RALGAPB: variants seen among roughly 807,000 people sequenced by gnomAD.
RALGAPB encodes the protein Ral GTPase activating protein non-catalytic subunit beta.
In RALGAPB, 25 loss-of-function variants were observed where a neutral mutation model predicts 161.1. That is an observed-to-expected ratio of 0.16 (90% CI 0.11 to 0.22). The LOEUF is 0.22. RALGAPB is among the 10% of genes least tolerant of loss of function. The pLI, the probability that RALGAPB is intolerant of heterozygous loss-of-function variation, is 1.00. For synonymous variants in RALGAPB, 629 were observed against 626.1 expected (o/e 1.00, Z -0.07); for missense variants, 1,391 against 1,815.2 (o/e 0.77, Z 4.25).
chr20:38,479,462 A>G (rs1023085894), intron 1 of RALGAPB, among the ~76,000 whole-genome samples: 3 of 152,210 alleles, frequency 2.0e-5, no homozygotes, highest in African/African-American at 7.2e-5. Context: ...TGTATTGATT[A>G]TTTTGGTAAT....
intron 22 of RALGAPB, among the ~76,000 whole-genome samples, chr20:38,555,336 T>C (rs2087541950): frequency 6.6e-6 from 1 of 152,228 alleles, no homozygotes; most frequent in African/African-American, 2.4e-5. Context: ...AATGGGGACA[T>C]TGCTGTTTGA....
At chr20:38,524,329 T>C (rs1018537100) in intron 10 of RALGAPB, among the ~76,000 whole-genome samples, 2 of 152,218 alleles carry the variant, frequency 1.3e-5, no homozygotes, top group African/African-American at 4.8e-5. Flanking sequence ...AATTACTAAA[T>C]GTTGCAACAT....
At chr20:38,489,354 A>AT (rs2085210873) in intron 2 of RALGAPB, among the ~76,000 whole-genome samples, 4 of 152,146 alleles carry the variant, frequency 2.6e-5, no homozygotes, top group South Asian at 2.1e-4. Context: ...AATTTAAAAA[A>AT]TTTTTTTATA....
At chr20:38,523,175 G>A (rs1230036138) in intron 10 of RALGAPB, among the ~76,000 whole-genome samples, 1 of 152,038 alleles carries the variant, frequency 6.6e-6, no homozygotes, top group Non-Finnish European at 1.5e-5. Context: ...AAAGTTCCCA[G>A]TTTTCATGGC....
chr20:38,494,537 A>C (rs1266976966), intron 3 of RALGAPB, among the ~76,000 whole-genome samples: 2 of 152,202 alleles, frequency 1.3e-5, no homozygotes, highest in South Asian at 4.1e-4. Flanking sequence ...AGGCCGAGGC[A>C]GGAGAATCGC....
At position 38,562,512 on chromosome 20, in the gene RALGAPB, A is replaced by T; in HGVS notation, c.3532-20A>T. 5 of 1,552,610 alleles carry T rather than the reference A, an allele frequency of 3.2e-6. No homozygotes were observed. The highest frequency in any genetic ancestry group is 4.4e-6 in the Non-Finnish European group (5 of 1,142,568). ...TATTTTGTTTCCTTCATTATAGCTG[A>T]TGATTGGTATGTATTTCAGATTTTA... On this transcript the variant is annotated intron_variant, in intron 23 of 29. Transcript: ENST00000262879.
chr20:38,530,784 A>G (rs1023139324), intron 13 of RALGAPB, among the ~76,000 whole-genome samples: 5 of 151,454 alleles, frequency 3.3e-5, no homozygotes, highest in Non-Finnish European at 7.4e-5. Flanking sequence ...TTTAGTAGAG[A>G]TGGGGTTTCA....
chr20:38,569,975 G>C lies in RALGAPB; in HGVS notation c.4042G>C (p.Val1348Leu), dbSNP rs2088169772. The C allele has an allele frequency of 1.9e-6, 3 of 1,613,156 alleles. No individual in the cohort carries two copies. The highest frequency in any genetic ancestry group is 2.5e-6 in the Non-Finnish European group (3 of 1,179,254). Residue 1348 changes from valine to leucine, a missense_variant, in exon 27 of 30, where the codon GTG becomes CTG. Physicochemically the swap from Val to Leu is conservative, Grantham distance 32. Transcript: ENST00000262879. ...TGAGACAAGAGTTTCTGTAGTCTGG[G>C]TGGAACGCTATGATGATATAGGTAC... ...GPETRVSVVW[V>L]ERYDDIENFP...
At chr20:38,547,187 A>G (rs561346488) in intron 19 of RALGAPB, 4 of 152,292 alleles carry the variant, frequency 2.6e-5, no homozygotes, top group South Asian at 2.1e-4. Flanking sequence ...GTTATAAGCC[A>G]TCTCACAATA....
chr20:38,521,574 A>T lies in RALGAPB; in HGVS notation c.1495A>T (p.Met499Leu), dbSNP rs1371781663. ...MSTDTMVSNP[M>L]FDASEFPDNY... ...CACAGACACCATGGTTTCCAATCCTATGTTTGATGCAAGTGAATTTCCTGA... is the reference window on the plus strand; with the variant it reads ...CACAGACACCATGGTTTCCAATCCTTTGTTTGATGCAAGTGAATTTCCTGA... The change falls in exon 10 of 30, where the codon ATG becomes TTG. Residue 499 changes from methionine (M) to leucine (L), a missense_variant. This residue lies in a region of RALGAPB where 946 missense variants were observed against 1,257.2 expected (regional missense o/e 0.75). Coordinates refer to ENST00000262879, the MANE Select transcript of RALGAPB (RefSeq NM_020336.4). 6.2e-7 allele frequency: 1 copy of T among 1,614,062 alleles called. No homozygotes were observed. The highest frequency in any genetic ancestry group is 1.3e-5 in the African/African-American group (1 of 74,934).
At chr20:38,536,461 C>G (rs1322424128) in intron 16 of RALGAPB, among the ~76,000 whole-genome samples, 2 of 152,110 alleles carry the variant, frequency 1.3e-5, no homozygotes, top group Non-Finnish European at 1.5e-5. Flanking sequence ...GTTTGAATAC[C>G]AGTTTTCAGT....
Position 38,565,344 on chromosome 20 carries a change from T to C in RALGAPB, c.3698-15T>C, listed in dbSNP as rs1056632844. Reference sequence around the variant, plus strand: ...CTTTTTGAAGCGGTAATGTAGTGTTTCTTTTTCCCAGAAGAAGTGATTTCC... The same window carrying C: ...CTTTTTGAAGCGGTAATGTAGTGTTCCTTTTTCCCAGAAGAAGTGATTTCC... On this transcript the variant is annotated splice_polypyrimidine_tract_variant and intron_variant, in intron 24 of 29. Transcript: ENST00000262879. 2.4e-5 allele frequency: 39 copies of C among 1,612,584 alleles called. No homozygotes were observed. Among genetic ancestry groups the C allele is most frequent in the Non-Finnish European group, 3.1e-5 (36 of 1,179,310 alleles).
Position 38,574,840 on chromosome 20 carries a change from G to A in RALGAPB, c.4358G>A (p.Ser1453Asn). The A allele has an allele frequency of 6.2e-7, 1 of 1,613,834 alleles. No individual in the cohort carries two copies. Among genetic ancestry groups the A allele is most frequent in the Non-Finnish European group, 8.5e-7 (1 of 1,179,764 alleles). Residue 1453 changes from serine (S) to asparagine (N), a missense_variant, in exon 30 of 30, where the codon AGT (serine) becomes AAT (asparagine). Transcript: ENST00000262879. ...RRKRLESDSY[S>N]PPHVRRKQKI... is the part of the protein sequence containing the mutation. ...AAGAGACTGGAAAGTGACTCCTACAGTCCCCCCCATGTCCGCCGGAAACAG... is the reference window on the plus strand; with the variant it reads ...AAGAGACTGGAAAGTGACTCCTACAATCCCCCCCATGTCCGCCGGAAACAG...
At chr20:38,559,767 G>A (rs1417940658) in intron 23 of RALGAPB, among the ~76,000 whole-genome samples, 3 of 152,158 alleles carry the variant, frequency 2.0e-5, no homozygotes, top group East Asian at 1.9e-4. Context: ...AGAGAAGGAC[G>A]AAGAAAAATG....
At chr20:38,530,357 A>G (rs188807697) in intron 13 of RALGAPB, among the ~76,000 whole-genome samples, 23 of 152,290 alleles carry the variant, frequency 1.5e-4, no homozygotes, top group Non-Finnish European at 2.5e-4. Context: ...CTGGACTGCA[A>G]ATGGCATCAT....
chr20:38,551,414 T>C, intron 21 of RALGAPB, among the ~76,000 whole-genome samples, 191 bp downstream of exon 21: 1 of 152,164 alleles, frequency 6.6e-6, no homozygotes, highest in East Asian at 1.9e-4. Context: ...GCATATCTCT[T>C]AGAGGTGTTG....
intron 5 of RALGAPB, among the ~76,000 whole-genome samples, chr20:38,501,448 C>G (rs994902378): frequency 1.3e-5 from 2 of 152,104 alleles, no homozygotes; most frequent in Non-Finnish European, 2.9e-5. Flanking sequence ...CCCATCTCTA[C>G]AAAAAATAGC....
chr20:38,497,620 A>T, intron 4 of RALGAPB, 104 bp downstream of exon 4: 2 of 1,251,966 alleles, frequency 1.6e-6, no homozygotes, highest in East Asian at 2.4e-5. Context: ...TTTTGGCATG[A>T]TGGTTTACAA....
intron 4 of RALGAPB, among the ~76,000 whole-genome samples, chr20:38,497,962 A>G (rs1340559930): frequency 1.3e-5 from 2 of 151,678 alleles, no homozygotes; most frequent in Non-Finnish European, 2.9e-5. Context: ...CCAGCTACTC[A>G]GGAGGCTGAG....
Sources: allele counts gnomAD v4.1 joint callset (sites outside exome capture counted in the v4.1 genomes callset), GRCh38; gene constraint gnomAD v4.1.1; regional missense constraint gnomAD v4.1.1; transcripts MANE v1.5; gene names NCBI Gene and HGNC (gene_info 2026-07-23, HGNC 2026-07-21).